Variants in LITAF observed in about 807,000 individuals in gnomAD.
The protein encoded by LITAF is lipopolysaccharide induced TNF factor, also known as lipopolysaccharide-induced tumor necrosis factor-alpha factor.
Under a neutral mutation model 14.5 loss-of-function variants are expected in LITAF, and 9 were observed. That is an observed-to-expected ratio of 0.62 (90% CI 0.37 to 1.08). The LOEUF is 1.08. Ranked by LOEUF, LITAF falls within the 50% of genes least tolerant of loss-of-function variation. The pLI, the probability that LITAF is intolerant of heterozygous loss-of-function variation, is 0.01. For missense variants in LITAF, 206 were observed against 213.4 expected (o/e 0.97, Z 0.22); for synonymous variants, 98 against 88.2 (o/e 1.11, Z -0.62).
upstream of LITAF, among the ~76,000 whole-genome samples, chr16:11,639,679 A>T (rs1193430774): frequency 2.1e-5 from 3 of 144,908 alleles, no homozygotes; most frequent in Admixed American, 1.4e-4. Flanking sequence ...GTCTGGGCAA[A>T]GAAAAAAGAT....
At chr16:11,565,515 G>T (rs2064437912) in intron 1 of LITAF, among the ~76,000 whole-genome samples, 1 of 152,032 alleles carries the variant, frequency 6.6e-6, no homozygotes. Context: ...CCCAAGTCAA[G>T]GCCTTAAAAC....
At chr16:11,620,820 C>A (rs754672936) in intron 3 of LITAF, among the ~76,000 whole-genome samples, 3 of 152,234 alleles carry the variant, frequency 2.0e-5, no homozygotes, top group Non-Finnish European at 2.9e-5. Context: ...GTGCAGCGGG[C>A]ACTGTCATGG....
intron 2 of LITAF, among the ~76,000 whole-genome samples, chr16:11,554,219 G>A (rs557515264): frequency 2.9e-4 from 44 of 151,762 alleles, no homozygotes; most frequent in African/African-American, 7.5e-4. Context: ...ACAACAGAGC[G>A]ACGCTCAGTC....
intron 3 of LITAF, among the ~76,000 whole-genome samples, chr16:11,612,306 C>CTCCT (rs1251716305): frequency 5.3e-5 from 8 of 152,180 alleles, no homozygotes; most frequent in Non-Finnish European, 8.8e-5. Flanking sequence ...TCCTGGGAGC[C>CTCCT]GCAGCAGGCT....
At chr16:11,573,010 C>G (rs1312303285) in intron 1 of LITAF, among the ~76,000 whole-genome samples, 2 of 150,948 alleles carry the variant, frequency 1.3e-5, no homozygotes, top group African/African-American at 4.9e-5. Flanking sequence ...CTCACTGCAA[C>G]CTCCGCCTCC....
Position 11,550,370 on chromosome 16 carries a change from G to C in LITAF, c.378-625C>G, listed in dbSNP as rs143648003. 2.6e-5 allele frequency among the ~76,000 whole-genome samples: 4 copies of C among 152,164 alleles called. No individual in the cohort carries two copies. In the East Asian group the frequency reaches 7.7e-4, roughly 29 times the overall value. ...CTCCCCAAGTGCTGGGATTACAGGC[G>C]AGAGCCACCACACCCGGCCCCTGCT... On this transcript the variant is annotated intron_variant, in intron 3 of 3. Coordinates refer to ENST00000622633, the MANE Select transcript of LITAF (RefSeq NM_001136472.2).
rs1366548590 is a variant in LITAF at position 11,582,314 on chromosome 16, C to T, written c.-6+4572G>A. 1.7e-4 allele frequency among the ~76,000 whole-genome samples: 18 copies of T among 107,834 alleles called. 1 individual carries two copies. Among genetic ancestry groups the T allele is most frequent in the Non-Finnish European group, 2.9e-4 (17 of 57,880 alleles). The allele number at this position is 107,834 out of a possible 152,430, so 70.7% of individuals were successfully genotyped here. A position where few individuals can be genotyped will look rare whatever the true frequency, so the allele number is the denominator to read the frequency against. ...TATAGTGAAATATCTATTTCACTCA[C>T]AACGGAAAAAAAAAAAAAAAAAAAG... On this transcript the variant is annotated intron_variant, in intron 1 of 3. Transcript: ENST00000622633.
At chr16:11,593,724 A>G (rs2064863294) in intron 1 of LITAF, among the ~76,000 whole-genome samples, 1 of 152,220 alleles carries the variant, frequency 6.6e-6, no homozygotes. Context: ...CCTCAAACAC[A>G]TTTTGTAAAA....
Position 11,632,095 on chromosome 16 carries a change from C to T in LITAF, c.85+1438G>A, listed in dbSNP as rs1488107752. 6.6e-6 allele frequency among the ~76,000 whole-genome samples: 1 copy of T among 151,256 alleles called. No individual in the cohort carries two copies. The highest frequency in any genetic ancestry group is 1.5e-5 in the Non-Finnish European group (1 of 67,752). Reference sequence around the variant, plus strand: ...TGTTAACCAGGATGGTCTTGATCTCCTGACCTCGTGATCCACCCGCCTCGG... The same window carrying T: ...TGTTAACCAGGATGGTCTTGATCTCTTGACCTCGTGATCCACCCGCCTCGG... On this transcript the variant is annotated intron_variant, in intron 3 of 3. Coordinates refer to the LITAF transcript ENST00000574848. This position sits in a 1 kb window ranked among gnomAD's most constrained non-coding sequence, Gnocchi z 4.8.
chr16:11,614,209 T>A (rs1410387224), intron 3 of LITAF, among the ~76,000 whole-genome samples: 1 of 152,162 alleles, frequency 6.6e-6, no homozygotes, highest in African/African-American at 2.4e-5. Flanking sequence ...AGGCTAGAAG[T>A]CTGAAATCAA....
chr16:11,548,482 C>A lies in LITAF; in HGVS notation c.*1155G>T, dbSNP rs1465242027. On this transcript the variant is annotated 3_prime_UTR_variant, in exon 4 of 4. Transcript: ENST00000622633. ...TTCCCTTATCTTTCAAAACCCACCA[C>A]CAGGAAACCAAAACGGACCCCACTC... The A allele has an allele frequency of 2.6e-5, 12 of 453,844 alleles. No homozygotes were observed. Among genetic ancestry groups the A allele is most frequent in the Non-Finnish European group, 4.9e-5 (11 of 226,772 alleles). 28.1% of individuals were successfully genotyped at this position (453,844 alleles called of 1,614,324 possible).
At chr16:11,587,585 G>T (rs2064821723), upstream of LITAF, 3 of 294,920 alleles carry the variant, frequency 1.0e-5, no homozygotes, top group South Asian at 2.7e-5. Context: ...ATTAGGTAAG[G>T]CTTATCAGCT....
At chr16:11,570,000 CGCCTGGGCCACAGA>C (rs1258743506) in intron 1 of LITAF, among the ~76,000 whole-genome samples, 1 of 150,194 alleles carries the variant, frequency 6.7e-6, no homozygotes, top group Non-Finnish European at 1.5e-5. Context: ...GCTGCACTCC[CGCCTGGGCCACAGA>C]GCGAGACTTT....
intron 2 of LITAF, among the ~76,000 whole-genome samples, chr16:11,635,171 G>C (rs1033996893): frequency 6.6e-6 from 1 of 152,312 alleles, no homozygotes; most frequent in East Asian, 1.9e-4. Flanking sequence ...TGATAAATCA[G>C]CTCTATCTGG....
upstream of LITAF, among the ~76,000 whole-genome samples, chr16:11,639,238 T>C (rs1435823528): frequency 7.3e-5 from 11 of 150,816 alleles, no homozygotes; most frequent in Non-Finnish European, 1.5e-4. Flanking sequence ...GAGGGATGGA[T>C]GGATAAATGG....
upstream of LITAF, among the ~76,000 whole-genome samples, chr16:11,639,463 G>GTGGA (rs1419640873): frequency 6.1e-5 from 9 of 146,578 alleles, no homozygotes; most frequent in South Asian, 2.2e-4. Context: ...GGATGGGTGG[G>GTGGA]TGGATGGATG....
Position 11,547,982 on chromosome 16 carries a change from A to G in LITAF, c.*1655T>C, listed in dbSNP as rs1276441338. On this transcript the variant is annotated 3_prime_UTR_variant, in exon 4 of 4. Transcript: ENST00000622633. ...ACATGAGCCCTTTCTTCACACCAAA[A>G]GAACTCATAAATAGTTCACCGGGTG... The G allele has an allele frequency of 1.3e-5, 6 of 454,036 alleles. No individual in the cohort carries two copies. Among genetic ancestry groups the G allele is most frequent in the Middle Eastern group, 6.8e-4 (1 of 1,466 alleles). The allele number at this position is 454,036 out of a possible 1,614,324, so 28.1% of individuals were successfully genotyped here.
chr16:11,627,128 C>T (rs564394558), intron 3 of LITAF, among the ~76,000 whole-genome samples: 7 of 152,310 alleles, frequency 4.6e-5, no homozygotes, highest in South Asian at 4.1e-4. Flanking sequence ...ATGCACATGA[C>T]CAAGCCTGGC....
At chr16:11,572,497 C>T (rs539674653) in intron 1 of LITAF, among the ~76,000 whole-genome samples, 6 of 151,832 alleles carry the variant, frequency 4.0e-5, no homozygotes, top group Non-Finnish European at 8.8e-5. Context: ...CACCTGCTGA[C>T]GGGACATCAC....
Sources: gnomAD v4.1 joint callset for allele counts (sites outside exome capture counted in the v4.1 genomes callset) on GRCh38, gnomAD v4.1.1 for gene constraint, Gnocchi (gnomAD v3.1) non-coding constraint, MANE v1.5 for transcripts, NCBI Gene and HGNC (gene_info 2026-07-23, HGNC 2026-07-21) for gene names.